Variants in CES5A observed in about 807,000 individuals in gnomAD.
CES5A encodes carboxylesterase 5A, also known as carboxylesterase 5.
Under a neutral mutation model 62.9 loss-of-function variants are expected in CES5A, and 67 were observed. That is an observed-to-expected ratio of 1.07 (90% CI 0.88 to 1.31). The LOEUF is 1.31. Ranked by LOEUF, CES5A falls within the 50% of genes most tolerant of loss-of-function variation. The pLI is 0.00. For synonymous variants in CES5A, 296 were observed against 280.8 expected, an observed-to-expected ratio of 1.05 and a Z score of -0.54; for missense variants, 748 against 708.5, an observed-to-expected ratio of 1.06 and a Z score of -0.63.
chr16:55,929,206 C>A (rs2034286003), upstream of CES5A, among the ~76,000 whole-genome samples: 2 of 152,166 alleles, frequency 1.3e-5, no homozygotes, highest in Admixed American at 1.3e-4. Context: ...TCAGAGTAGC[C>A]CCAAGGCATG....
intron 2 of CES5A, among the ~76,000 whole-genome samples, chr16:55,943,023 A>G (rs1416142029): frequency 1.3e-5 from 2 of 152,224 alleles, no homozygotes; most frequent in Non-Finnish European, 2.9e-5. Flanking sequence ...GTTGGCTACA[A>G]ATGAGCCCAA....
intron 1 of CES5A, among the ~76,000 whole-genome samples, chr16:55,874,742 C>T (rs1157708719): frequency 2.0e-5 from 3 of 152,148 alleles, no homozygotes; most frequent in Non-Finnish European, 4.4e-5. Context: ...GAACGTGGAG[C>T]CTTGGGAAGG....
At chr16:55,921,777 G>A (rs1436509313) in intron 1 of CES5A, among the ~76,000 whole-genome samples, 81 of 151,670 alleles carry the variant, frequency 5.3e-4, no homozygotes, top group Non-Finnish European at 1.8e-4. Context: ...CTAGTATGGA[G>A]GCCAAAAGAC....
At chr16:55,872,668 T>C (rs990710348) in intron 2 of CES5A, among the ~76,000 whole-genome samples, 4 of 152,156 alleles carry the variant, frequency 2.6e-5, no homozygotes, top group African/African-American at 9.7e-5. Flanking sequence ...CTGACAGGTG[T>C]TTATGCCTCC....
intron 11 of CES5A, among the ~76,000 whole-genome samples, chr16:55,848,045 G>A (rs1441827477): frequency 2.6e-5 from 4 of 152,030 alleles, no homozygotes; most frequent in Admixed American, 2.0e-4. Flanking sequence ...CAAAGTGATG[G>A]CATTATAGGC....
At chr16:55,907,779 C>T (rs1393235762) in intron 1 of CES5A, among the ~76,000 whole-genome samples, 1 of 152,150 alleles carries the variant, frequency 6.6e-6, no homozygotes, top group Non-Finnish European at 1.5e-5. Flanking sequence ...TGAGCTCGAC[C>T]TGACAGGACA....
upstream of CES5A, among the ~76,000 whole-genome samples, chr16:55,929,244 A>C (rs2034286260): frequency 6.6e-6 from 1 of 152,120 alleles, no homozygotes; most frequent in South Asian, 2.1e-4. Flanking sequence ...GATGCTTCCC[A>C]CTCTCCTGGT....
At chr16:55,868,076 A>G (rs2033500499) in intron 4 of CES5A, among the ~76,000 whole-genome samples, 1 of 152,154 alleles carries the variant, frequency 6.6e-6, no homozygotes, top group South Asian at 2.1e-4. Flanking sequence ...AACTCCATGT[A>G]TGGCCTGGCA....
chr16:55,880,483 C>T (rs1033163804), intron 1 of CES5A, among the ~76,000 whole-genome samples: 3 of 152,182 alleles, frequency 2.0e-5, no homozygotes, highest in South Asian at 2.1e-4. Context: ...TCCACCCTTG[C>T]TCCTGAGTAA....
chr16:55,912,301 G>A (rs939923454), intron 1 of CES5A, among the ~76,000 whole-genome samples: 7 of 152,198 alleles, frequency 4.6e-5, no homozygotes, highest in Admixed American at 2.0e-4. Flanking sequence ...ACATTCCGAC[G>A]ACAACAGGTC....
At position 55,871,670 on chromosome 16, in the gene CES5A, C is replaced by T. The variant is rs149280225; in HGVS notation, c.372G>A (p.Leu124=). The T allele has an allele frequency of 4.3e-6, 7 of 1,614,012 alleles. No individual in the cohort carries two copies. In the African/African-American group the frequency reaches 9.3e-5, roughly 22 times the overall value. ...CGGCGTGGGCAGGCGCATAGATGTTCAGGTAGAGGCAGTCTTCTGACACTC... is the reference window on the plus strand; with the variant it reads ...CGGCGTGGGCAGGCGCATAGATGTTTAGGTAGAGGCAGTCTTCTGACACTC... The part of the protein sequence containing the change: ...KFGVSEDCLY[L]NIYAPAHADT... Residue 124 remains leucine, a synonymous_variant, in exon 3 of 13, where the codon CTG becomes CTA. Coordinates refer to ENST00000290567, the MANE Select transcript of CES5A (RefSeq NM_001143685.2).
chr16:55,891,641 A>G (rs1467690415), intron 1 of CES5A, among the ~76,000 whole-genome samples: 6 of 152,192 alleles, frequency 3.9e-5, no homozygotes, highest in Admixed American at 3.3e-4. Context: ...AAAGAAGGCA[A>G]TCATATATGC....
intron 1 of CES5A, among the ~76,000 whole-genome samples, chr16:55,895,541 G>T (rs114968792): frequency 0.012 from 1,821 of 152,318 alleles, 51 homozygotes; most frequent in African/African-American, 0.041. Flanking sequence ...TCAGTCTTTT[G>T]CAGTGAAAAT....
rs748591331 is a variant in CES5A, at chr16:55,846,515, C to A, written c.1664G>T (p.Ser555Ile). 6.2e-7 allele frequency: 1 copy of A among 1,614,154 alleles called. No individual in the cohort carries two copies. The highest frequency in any genetic ancestry group is 1.7e-5 in the Admixed American group (1 of 60,024). Residue 555 changes from serine to isoleucine, a missense_variant, in exon 13 of 13, where the codon AGT becomes ATT. By Grantham distance (142) the Ser-to-Ile change is moderately radical (BLOSUM62 -2). Coordinates refer to ENST00000290567, the MANE Select transcript of CES5A (RefSeq NM_001143685.2). ...LILSASDMLH[S>I]PLSSLTFLSL... ...GAGGAAAGTTAAGGAAGAAAGAGGA[C>A]TGTGGAGCATGTCGGAGGCAGACAG...
intron 2 of CES5A, among the ~76,000 whole-genome samples, chr16:55,936,322 C>T (rs1385274425): frequency 6.6e-6 from 1 of 152,194 alleles, no homozygotes; most frequent in Non-Finnish European, 1.5e-5. Context: ...GCTCTGCAAT[C>T]CCACGTCTTC....
upstream of CES5A, among the ~76,000 whole-genome samples, chr16:55,878,092 T>A (rs760767844): frequency 6.6e-6 from 1 of 152,156 alleles, no homozygotes; most frequent in Non-Finnish European, 1.5e-5. Context: ...GACACAGACC[T>A]TTGATAGGCT....
At chr16:55,911,026 C>T (rs1359891718) in intron 1 of CES5A, among the ~76,000 whole-genome samples, 5 of 152,182 alleles carry the variant, frequency 3.3e-5, no homozygotes, top group African/African-American at 1.2e-4. Flanking sequence ...ACTGTGGCTG[C>T]TTTTCCTTCT....
At chr16:55,898,809 C>A (rs1226380465) in intron 1 of CES5A, among the ~76,000 whole-genome samples, 1 of 152,096 alleles carries the variant, frequency 6.6e-6, no homozygotes, top group Non-Finnish European at 1.5e-5. Context: ...CATGGTGGTC[C>A]CAACCCTGAG....
chr16:55,922,872 T>C (rs764051021), intron 1 of CES5A, among the ~76,000 whole-genome samples: 8 of 151,460 alleles, frequency 5.3e-5, no homozygotes, highest in Non-Finnish European at 1.2e-4. Flanking sequence ...AAATTAGAAA[T>C]GAATAACAAC....
Sources: allele counts gnomAD v4.1 joint callset (sites outside exome capture counted in the v4.1 genomes callset), GRCh38; gene constraint gnomAD v4.1.1; transcripts MANE v1.5; gene names NCBI Gene and HGNC (gene_info 2026-07-23, HGNC 2026-07-21).